The following RAB6A variants were observed in gnomAD, a reference collection of about 807,000 sequenced individuals.
The protein encoded by RAB6A is ras-related protein Rab-6A.
In RAB6A, 8 loss-of-function variants were observed where a neutral mutation model predicts 32.3. The observed-to-expected ratio is 0.25, with a 90% CI of 0.15 to 0.45. The LOEUF is 0.45. Ranked by LOEUF, RAB6A falls within the 20% of genes least tolerant of loss-of-function variation. The pLI, the probability that RAB6A is intolerant of heterozygous loss-of-function variation, is 1.00. For synonymous variants in RAB6A, 73 were observed against 82.1 expected (o/e 0.89, Z 0.60); for missense variants, 104 against 249.4 (o/e 0.42, Z 3.93).
intron 1 of RAB6A, among the ~76,000 whole-genome samples, chr11:73,742,975 A>T (rs1946522197): frequency 6.6e-6 from 1 of 152,042 alleles, no homozygotes; most frequent in Non-Finnish European, 1.5e-5. Flanking sequence ...GAAGAAAACA[A>T]ATATGCACAC....
intron 6 of RAB6A, among the ~76,000 whole-genome samples, chr11:73,695,038 TA>T (rs891224378): frequency 6.6e-6 from 1 of 151,932 alleles, no homozygotes; most frequent in Non-Finnish European, 1.5e-5. Context: ...AAATTAAAAA[TA>T]AAAATATATC....
chr11:73,709,440 T>TTATTAC (rs1242475583), intron 5 of RAB6A, among the ~76,000 whole-genome samples: 1 of 137,908 alleles, frequency 7.3e-6, no homozygotes, highest in African/African-American at 2.6e-5. Flanking sequence ...CTTAAGTATA[T>TTATTAC]TATTATTATT....
At chr11:73,747,268 C>T (rs1233594802) in intron 1 of RAB6A, among the ~76,000 whole-genome samples, 3 of 150,798 alleles carry the variant, frequency 2.0e-5, no homozygotes, top group Non-Finnish European at 4.4e-5. Flanking sequence ...TGCAGTGGTG[C>T]GATCTCGGCT....
chr11:73,735,571 A>T (rs1215705065), intron 1 of RAB6A, among the ~76,000 whole-genome samples: 6 of 152,162 alleles, frequency 3.9e-5, no homozygotes, highest in Non-Finnish European at 8.8e-5. Context: ...TTTAAACATG[A>T]GGTCTGAAGG....
intron 1 of RAB6A, among the ~76,000 whole-genome samples, chr11:73,738,171 CTTAT>C (rs1253446988): frequency 6.6e-6 from 1 of 151,626 alleles, no homozygotes; most frequent in Non-Finnish European, 1.5e-5. Context: ...TTATTTTTTA[CTTAT>C]TTATTTATTT....
At chr11:73,704,950 C>T (rs577352384) in intron 6 of RAB6A, among the ~76,000 whole-genome samples, 2 of 151,942 alleles carry the variant, frequency 1.3e-5, no homozygotes, top group Non-Finnish European at 2.9e-5. Flanking sequence ...GAGCCGAGAT[C>T]ACGCCACTGC....
At chr11:73,684,906 C>T (rs1431475414) in intron 6 of RAB6A, among the ~76,000 whole-genome samples, 2 of 152,332 alleles carry the variant, frequency 1.3e-5, no homozygotes, top group East Asian at 1.9e-4. Context: ...TGAGAAAGAC[C>T]TTCCCTCACA....
At chr11:73,748,700 ATT>A (rs1347769193) in intron 1 of RAB6A, among the ~76,000 whole-genome samples, 2 of 152,350 alleles carry the variant, frequency 1.3e-5, no homozygotes, top group East Asian at 3.9e-4. Flanking sequence ...GTCAAAAAAT[ATT>A]TTAAGGACCC....
chr11:73,754,710 G>C (rs1018010187), intron 1 of RAB6A, among the ~76,000 whole-genome samples: 10 of 152,112 alleles, frequency 6.6e-5, no homozygotes, highest in Admixed American at 4.6e-4. Context: ...CTTGAGGCCA[G>C]GAGTTTGAGA....
At chr11:73,738,071 A>G (rs565565201) in intron 1 of RAB6A, among the ~76,000 whole-genome samples, 92 of 152,208 alleles carry the variant, frequency 6.0e-4, no homozygotes, top group African/African-American at 2.1e-3. Context: ...ATACAAGTAA[A>G]TTATATGATA....
At chr11:73,721,457 C>T (rs1319829051) in intron 2 of RAB6A, among the ~76,000 whole-genome samples, 3 of 152,160 alleles carry the variant, frequency 2.0e-5, no homozygotes, top group South Asian at 4.1e-4. Flanking sequence ...ACAATGATAG[C>T]TTCCTTCTGT....
intron 1 of RAB6A, among the ~76,000 whole-genome samples, chr11:73,732,814 TTTC>T (rs1459269705): frequency 6.6e-6 from 1 of 151,668 alleles, no homozygotes; most frequent in Non-Finnish European, 1.5e-5. Context: ...CCTCAGTGAT[TTTC>T]TTTTTTTTCC....
intron 5 of RAB6A, among the ~76,000 whole-genome samples, chr11:73,708,581 C>T (rs1041169718): frequency 1.3e-5 from 2 of 152,176 alleles, no homozygotes; most frequent in Non-Finnish European, 2.9e-5. Context: ...TTTTGTGATG[C>T]ATTACAATTA....
chr11:73,760,136 C>T, intron 1 of RAB6A: 2 of 1,291,808 alleles, frequency 1.5e-6, no homozygotes, highest in Non-Finnish European at 2.0e-6. Flanking sequence ...TGAAGAGGGC[C>T]CGCTCTCGGG....
rs550916724 is a variant in RAB6A, at chr11:73,745,758, G to A, written c.70+14808C>T. On this transcript the variant is annotated intron_variant, in intron 1 of 7. Coordinates refer to ENST00000336083, the MANE Select transcript of RAB6A (RefSeq NM_198896.2). The stretch of plus-strand genomic sequence containing the variant: ...GAGGCAGGAAAACTGCTCGAACCCG[G>A]GAGGCAGAAGTTGCAGTGAGCCAAG... 2.0e-5 allele frequency among the ~76,000 whole-genome samples: 3 copies of A among 152,202 alleles called. No homozygotes were observed. In the East Asian group the frequency reaches 5.8e-4, roughly 29 times the overall value.
chr11:73,700,164 C>CT (rs1945718268), intron 6 of RAB6A, among the ~76,000 whole-genome samples: 1 of 152,184 alleles, frequency 6.6e-6, no homozygotes, highest in Non-Finnish European at 1.5e-5. Context: ...ACACCACACA[C>CT]TTATTGCTTC....
At chr11:73,751,878 C>CA (rs1424001589) in intron 1 of RAB6A, among the ~76,000 whole-genome samples, 1 of 151,928 alleles carries the variant, frequency 6.6e-6, no homozygotes, top group African/African-American at 2.4e-5. Context: ...CAGAGACTCC[C>CA]AAAAAGGAAC....
chr11:73,757,709 AG>A (rs1199008011), intron 1 of RAB6A, among the ~76,000 whole-genome samples: 1 of 152,156 alleles, frequency 6.6e-6, no homozygotes, highest in African/African-American at 2.4e-5. Context: ...TACCCCCTTA[AG>A]TATCTGATAT....
intron 2 of RAB6A, among the ~76,000 whole-genome samples, chr11:73,728,356 T>C (rs576470160): frequency 1.3e-5 from 2 of 152,282 alleles, no homozygotes; most frequent in African/African-American, 2.4e-5. Flanking sequence ...GTTTTTATCA[T>C]GAAACGCTGC....
Sources: gnomAD v4.1 joint callset for allele counts (sites outside exome capture counted in the v4.1 genomes callset) on GRCh38, gnomAD v4.1.1 for gene constraint, MANE v1.5 for transcripts, NCBI Gene and HGNC (gene_info 2026-07-23, HGNC 2026-07-21) for gene names.